Variants in PTPRD observed in about 807,000 individuals in gnomAD.
PTPRD encodes receptor-type tyrosine-protein phosphatase delta.
Under a neutral mutation model 214.5 loss-of-function variants are expected in PTPRD, and 34 were observed. That is an observed-to-expected ratio of 0.16 (90% CI 0.12 to 0.21). The LOEUF (loss-of-function observed/expected upper bound fraction) is 0.21, where lower values mean the gene tolerates loss of function less well. PTPRD is among the 10% of genes least tolerant of loss of function. The pLI, the probability that PTPRD is intolerant of heterozygous loss-of-function variation, is 1.00. For missense variants in PTPRD, 2,545 were observed against 2,398.7 expected, an observed-to-expected ratio of 1.06 and a Z score of -1.27; for synonymous variants, 1,128 against 845.7, an observed-to-expected ratio of 1.33 and a Z score of -5.79.
intron 2 of PTPRD, among the ~76,000 whole-genome samples, chr9:10,441,970 A>C (rs568055282): frequency 6.6e-6 from 1 of 151,618 alleles, no homozygotes; most frequent in East Asian, 1.9e-4. Context: ...GACTAAAAAA[A>C]CTGGAGAAAA....
chr9:10,508,382 G>C (rs2046801681), intron 2 of PTPRD, among the ~76,000 whole-genome samples: 1 of 152,208 alleles, frequency 6.6e-6, no homozygotes, highest in Admixed American at 6.5e-5. Context: ...GTGGAAGACA[G>C]TGCGGCGATT....
intron 4 of PTPRD, among the ~76,000 whole-genome samples, chr9:9,991,605 C>A (rs1416476752): frequency 6.6e-6 from 1 of 151,830 alleles, no homozygotes; most frequent in Non-Finnish European, 1.5e-5. Flanking sequence ...AGGTGATCCA[C>A]CTGCCTTGGC....
At chr9:8,501,666 T>C (rs2137036386) in intron 23 of PTPRD, among the ~76,000 whole-genome samples, 1 of 152,256 alleles carries the variant, frequency 6.6e-6, no homozygotes, top group Non-Finnish European at 1.5e-5. Context: ...GCCTGACCAG[T>C]TTTAATAATA....
chr9:10,163,586 G>C (rs1186690892), intron 3 of PTPRD, among the ~76,000 whole-genome samples: 1 of 151,276 alleles, frequency 6.6e-6, no homozygotes, highest in Non-Finnish European at 1.5e-5. Context: ...CATGCTATCA[G>C]TTTATTTTCT....
At chr9:9,149,354 G>C (rs1244353077) in intron 10 of PTPRD, among the ~76,000 whole-genome samples, 1 of 152,198 alleles carries the variant, frequency 6.6e-6, no homozygotes, top group Non-Finnish European at 1.5e-5. Context: ...TTGCAATGTA[G>C]TGGTGGTGGT....
At chr9:9,466,840 T>G (rs781201447) in intron 8 of PTPRD, among the ~76,000 whole-genome samples, 2 of 152,160 alleles carry the variant, frequency 1.3e-5, no homozygotes, top group Admixed American at 6.5e-5. Flanking sequence ...CTCCTCAGTC[T>G]TTTTTTGTCT....
At chr9:9,833,681 A>G (rs7466644) in intron 5 of PTPRD, among the ~76,000 whole-genome samples, 35,613 of 95,366 alleles carry the variant, frequency 0.37, 6,203 homozygotes, top group East Asian at 0.84. Context: ...TACGCTCCGG[A>G]GAGGGGGGCA....
chr9:9,238,915 C>T (rs952941394), intron 9 of PTPRD, among the ~76,000 whole-genome samples: 3 of 152,102 alleles, frequency 2.0e-5, no homozygotes, highest in Admixed American at 6.6e-5. Context: ...GGACCCTCTG[C>T]GTACTTCCCT....
intron 3 of PTPRD, among the ~76,000 whole-genome samples, chr9:10,108,888 T>G (rs2098663188): frequency 6.6e-6 from 1 of 151,920 alleles, no homozygotes; most frequent in Non-Finnish European, 1.5e-5. Context: ...TTTTGTTACT[T>G]CAGCATAACT....
In PTPRD at chr9:10,508,572, T is replaced by C. The variant is rs190637139; in HGVS notation, c.-600+103826A>G. Among the ~76,000 whole-genome samples, 672 of 152,146 alleles carry C rather than the reference T, an allele frequency of 4.4e-3. 6 individuals are homozygous for C. Among genetic ancestry groups the C allele is most frequent in the African/African-American group, 0.015 (640 of 41,506 alleles). On this transcript the variant is annotated intron_variant, in intron 2 of 45. Transcript: ENST00000381196. ...AAATGGCCATCAATAATAGAATGGA[T>C]TAAGAAAATGTGGCACATATACACC...
intron 3 of PTPRD, among the ~76,000 whole-genome samples, chr9:10,176,406 G>A (rs1048298223): frequency 1.3e-5 from 2 of 151,490 alleles, no homozygotes; most frequent in African/African-American, 2.4e-5. Context: ...AAATCACTCA[G>A]ATTATCCATA....
intron 2 of PTPRD, among the ~76,000 whole-genome samples, chr9:10,420,240 T>C (rs2098533636): frequency 6.6e-6 from 1 of 151,930 alleles, no homozygotes; most frequent in Non-Finnish European, 1.5e-5. Context: ...TATCAGGAAT[T>C]AACATTGAGT....
intron 8 of PTPRD, among the ~76,000 whole-genome samples, chr9:9,430,747 CA>C (rs1170355995): frequency 6.6e-6 from 1 of 152,072 alleles, no homozygotes; most frequent in Non-Finnish European, 1.5e-5. Context: ...GAAATAATAC[CA>C]CACATCTACA....
At chr9:8,790,215 T>C (rs1416141455) in intron 11 of PTPRD, among the ~76,000 whole-genome samples, 2 of 151,962 alleles carry the variant, frequency 1.3e-5, no homozygotes, top group African/African-American at 2.4e-5. Flanking sequence ...GGGATCTCAC[T>C]ACGTTGCCCA....
chr9:10,044,734 C>A (rs923980791), intron 3 of PTPRD, among the ~76,000 whole-genome samples: 1 of 151,702 alleles, frequency 6.6e-6, no homozygotes. Context: ...AGAGCTGAGA[C>A]TGGAACCCAA....
rs78359861 is a variant in PTPRD, at chr9:8,342,431, G to C, written c.4662-453C>G. Among the ~76,000 whole-genome samples the C allele has an allele frequency of 2.8e-3, 431 of 152,138 alleles. 5 individuals carry two copies. The highest frequency in any genetic ancestry group is 9.4e-3 in the African/African-American group (391 of 41,522). On this transcript the variant is annotated intron_variant, in intron 39 of 45. Coordinates refer to ENST00000381196, the MANE Select transcript of PTPRD (RefSeq NM_002839.4). ...ACAAAACATAAAGATTGTTTTTACA[G>C]TCTCAAGCTAAACCTCGCATGCTTC...
chr9:10,084,036 T>A (rs2098287165), intron 3 of PTPRD, among the ~76,000 whole-genome samples: 1 of 151,950 alleles, frequency 6.6e-6, no homozygotes, highest in African/African-American at 2.4e-5. Flanking sequence ...TTAAACTTCC[T>A]AAAATCTCCT....
intron 11 of PTPRD, among the ~76,000 whole-genome samples, chr9:8,758,907 G>A (rs897831313): frequency 4.6e-5 from 7 of 151,934 alleles, no homozygotes; most frequent in Non-Finnish European, 1.0e-4. Context: ...GGATGGTCTC[G>A]ATCTCCTGAC....
At chr9:9,062,980 A>G (rs533908811) in intron 10 of PTPRD, among the ~76,000 whole-genome samples, 1 of 152,176 alleles carries the variant, frequency 6.6e-6, no homozygotes, top group Non-Finnish European at 1.5e-5. Context: ...GAGAAATGTA[A>G]TATCACAGTG....
Sources: gnomAD v4.1 joint callset for allele counts (sites outside exome capture counted in the v4.1 genomes callset) on GRCh38, gnomAD v4.1.1 for gene constraint, MANE v1.5 for transcripts, NCBI Gene and HGNC (gene_info 2026-07-23, HGNC 2026-07-21) for gene names.